WWOX: variants seen among roughly 807,000 people sequenced by gnomAD.
WWOX encodes the protein WW domain containing oxidoreductase, also known as WW domain-containing oxidoreductase.
WWOX carries 69 observed loss-of-function variants against 46.2 expected under a neutral mutation model. The ratio of observed to expected loss-of-function variants is 1.49; its 90% CI spans 1.23 to 1.82. The LOEUF (loss-of-function observed/expected upper bound fraction) is 1.82. Ranked by LOEUF, WWOX falls within the 40% of genes most tolerant of loss-of-function variation. WWOX has a pLI of 0.00. For synonymous variants in WWOX, 359 were observed against 202.6 expected (o/e 1.77, Z -6.56); for missense variants, 919 against 542.6 (o/e 1.69, Z -6.89).
chr16:79,035,926 G>A (rs112803258), intron 8 of WWOX, among the ~76,000 whole-genome samples: 3 of 152,188 alleles, frequency 2.0e-5, no homozygotes, highest in African/African-American at 7.2e-5. Flanking sequence ...AGCTGCCTCA[G>A]ACTGTCTCAA....
At chr16:78,453,436 AAAT>A (rs542590139) in intron 8 of WWOX, among the ~76,000 whole-genome samples, 36 of 150,792 alleles carry the variant, frequency 2.4e-4, no homozygotes, top group Middle Eastern at 3.4e-3. Context: ...AAAAAAAAAA[AAAT>A]TTCTTATTCA....
At chr16:78,591,845 A>G (rs1017346258) in intron 8 of WWOX, among the ~76,000 whole-genome samples, 7 of 152,182 alleles carry the variant, frequency 4.6e-5, no homozygotes, top group African/African-American at 1.7e-4. Flanking sequence ...ACTAGAGAAA[A>G]GGTACTCAGT....
chr16:78,726,300 C>G (rs1237590637), intron 8 of WWOX, among the ~76,000 whole-genome samples: 1 of 151,652 alleles, frequency 6.6e-6, no homozygotes, highest in Non-Finnish European at 1.5e-5. Flanking sequence ...TCACGGTTCA[C>G]TGCAGCCTCA....
At chr16:79,179,308 TA>T (rs1383931629) in intron 8 of WWOX, among the ~76,000 whole-genome samples, 2 of 152,212 alleles carry the variant, frequency 1.3e-5, no homozygotes, top group African/African-American at 4.8e-5. Context: ...TTTCCATTTT[TA>T]TGTTTCCTCT....
At chr16:78,662,688 C>T (rs1361157630) in intron 8 of WWOX, among the ~76,000 whole-genome samples, 1 of 152,198 alleles carries the variant, frequency 6.6e-6, no homozygotes, top group African/African-American at 2.4e-5. Flanking sequence ...GAGCCTGGTT[C>T]AGCATCTCTT....
chr16:79,019,984 A>G (rs139486002), intron 8 of WWOX, among the ~76,000 whole-genome samples: 1,780 of 152,288 alleles, frequency 0.012, 18 homozygotes, highest in Middle Eastern at 0.024. Flanking sequence ...TCACTTCTCT[A>G]CTAATCCCCA....
At chr16:78,893,593 A>T (rs1052235338) in intron 8 of WWOX, among the ~76,000 whole-genome samples, 1 of 151,874 alleles carries the variant, frequency 6.6e-6, no homozygotes, top group Admixed American at 6.6e-5. Flanking sequence ...TGCCATTTTA[A>T]TTTTTGCTTA....
chr16:78,662,357 GC>G (rs2047234424), intron 8 of WWOX, among the ~76,000 whole-genome samples: 2 of 152,302 alleles, frequency 1.3e-5, no homozygotes, highest in South Asian at 4.1e-4. Flanking sequence ...AAATAAGAGA[GC>G]GCAATGAGAC....
At chr16:78,733,401 G>T (rs2049010626) in intron 8 of WWOX, among the ~76,000 whole-genome samples, 1 of 151,984 alleles carries the variant, frequency 6.6e-6, no homozygotes, top group Non-Finnish European at 1.5e-5. Context: ...GCTGCAGTGA[G>T]CTACAATCAT....
At chr16:78,727,941 A>G (rs952157520) in intron 8 of WWOX, among the ~76,000 whole-genome samples, 1 of 152,082 alleles carries the variant, frequency 6.6e-6, no homozygotes, top group Non-Finnish European at 1.5e-5. Flanking sequence ...GATATTTATC[A>G]TACTAGAAAT....
At chr16:78,229,486 G>C (rs2113156) in intron 5 of WWOX, among the ~76,000 whole-genome samples, 1 of 147,206 alleles carries the variant, frequency 6.8e-6, no homozygotes, top group Admixed American at 6.8e-5. Context: ...ATGTATATCT[G>C]TATATATATT....
intron 8 of WWOX, among the ~76,000 whole-genome samples, chr16:78,648,263 G>T (rs1023334163): frequency 6.6e-6 from 1 of 152,192 alleles, no homozygotes; most frequent in Non-Finnish European, 1.5e-5. Context: ...GTGAGGGGCT[G>T]GTTTTTAGAT....
intron 8 of WWOX, among the ~76,000 whole-genome samples, chr16:78,670,454 T>C (rs1201575739): frequency 6.6e-6 from 1 of 152,144 alleles, no homozygotes; most frequent in African/African-American, 2.4e-5. Context: ...AGGGCTGATC[T>C]CTGAGAAACT....
chr16:79,102,242 T>C (rs7193279), intron 8 of WWOX, among the ~76,000 whole-genome samples: 75,307 of 151,996 alleles, frequency 0.5, 19,490 homozygotes, highest in East Asian at 0.66. Flanking sequence ...AATTAAAAGC[T>C]TGCTGTCTGC....
At chr16:78,983,479 G>T (rs919065823) in intron 8 of WWOX, among the ~76,000 whole-genome samples, 1 of 152,198 alleles carries the variant, frequency 6.6e-6, no homozygotes, top group East Asian at 1.9e-4. Context: ...TAATAGGAAA[G>T]ACCATCATGC....
At chr16:78,709,706 G>T (rs77942230) in intron 8 of WWOX, among the ~76,000 whole-genome samples, 1,804 of 151,122 alleles carry the variant, frequency 0.012, 39 homozygotes, top group African/African-American at 0.041. Context: ...TTTGTGTTGG[G>T]GCCTCTTCTT....
At chr16:79,162,097 AT>A (rs1203470652) in intron 8 of WWOX, among the ~76,000 whole-genome samples, 14 of 152,080 alleles carry the variant, frequency 9.2e-5, no homozygotes, top group Admixed American at 9.2e-4. Context: ...CCCCTGAATC[AT>A]TACCTGATTT....
intron 8 of WWOX, among the ~76,000 whole-genome samples, chr16:78,518,357 G>A (rs543638800): frequency 2.6e-5 from 4 of 152,056 alleles, no homozygotes; most frequent in Admixed American, 6.5e-5. Context: ...TCAGCCTCCC[G>A]AGTAGCTGGG....
intron 8 of WWOX, among the ~76,000 whole-genome samples, chr16:78,846,333 C>G (rs188080847): frequency 2.0e-5 from 3 of 152,254 alleles, no homozygotes; most frequent in South Asian, 4.1e-4. Context: ...TTGGATTTGA[C>G]GGTGTGTCCT....
Sources: gnomAD v4.1 joint callset for allele counts (sites outside exome capture counted in the v4.1 genomes callset) on GRCh38, gnomAD v4.1.1 for gene constraint, MANE v1.5 for transcripts, NCBI Gene and HGNC (gene_info 2026-07-23, HGNC 2026-07-21) for gene names.